The following ZNF787 variants were observed in gnomAD, a reference collection of about 807,000 sequenced individuals.
The protein encoded by ZNF787 is zinc finger protein 787.
ZNF787 carries 7 observed loss-of-function variants against 16.9 expected under a neutral mutation model. The observed-to-expected ratio is 0.42, with a 90% CI of 0.24 to 0.78. The LOEUF is 0.78. Among genes scored for constraint, ZNF787 ranks in the 30% least tolerant of loss-of-function variants. The pLI, the probability that ZNF787 is intolerant of heterozygous loss-of-function variation, is 0.30. For synonymous variants in ZNF787, 345 were observed against 270.9 expected (o/e 1.27, Z -2.69); for missense variants, 551 against 589.3 (o/e 0.94, Z 0.67).
intron 2 of ZNF787, among the ~76,000 whole-genome samples, chr19:56,090,421 C>T (rs550602206): frequency 2.6e-5 from 4 of 152,266 alleles, no homozygotes; most frequent in Admixed American, 1.3e-4. Flanking sequence ...GGCCGCCCAC[C>T]GCTAAATCCC....
At chr19:56,107,882 G>GGC (rs1220393890) in intron 1 of ZNF787, among the ~76,000 whole-genome samples, 1 of 148,222 alleles carries the variant, frequency 6.7e-6, no homozygotes, top group Non-Finnish European at 1.5e-5. Context: ...GCGGAAGAGA[G>GGC]AGCTTGAAGG....
chr19:56,096,569 C>T (rs1351899023), intron 2 of ZNF787, among the ~76,000 whole-genome samples: 10 of 148,618 alleles, frequency 6.7e-5, no homozygotes, highest in Non-Finnish European at 1.3e-4. Context: ...AAAAATTAGC[C>T]GGGCATGGTG....
At chr19:56,113,335 G>A (rs970581954) in intron 1 of ZNF787, among the ~76,000 whole-genome samples, 1 of 152,144 alleles carries the variant, frequency 6.6e-6, no homozygotes, top group East Asian at 1.9e-4. Flanking sequence ...GTTAAGCCCA[G>A]AACTCCCATA....
chr19:56,094,187 CTTTT>C (rs572443571), intron 2 of ZNF787, among the ~76,000 whole-genome samples: 21 of 105,462 alleles, frequency 2.0e-4, no homozygotes, highest in South Asian at 3.4e-4. Flanking sequence ...TCATGCCCGG[CTTTT>C]TTTTTTTTTT....
At chr19:56,108,544 C>T (rs1307240866) in intron 1 of ZNF787, among the ~76,000 whole-genome samples, 1 of 152,036 alleles carries the variant, frequency 6.6e-6, no homozygotes. Context: ...ACGCCTGCTA[C>T]TCTGCCACTC....
In ZNF787 at chr19:56,088,308, G is replaced by T; in HGVS notation, c.864C>A (p.Gly288=). ...KPYVCLECGK[G]FGHGAGLLAH... ...CCAGGAGCCCGGCCCCGTGCCCGAA[G>T]CCCTTCCCGCACTCCAGACACACGT... Residue 288 remains glycine, a synonymous_variant, in exon 3 of 3, where the codon GGC becomes GGA. Transcript: ENST00000610935. The surrounding 1 kb of genome is among the most constrained non-coding windows in gnomAD (Gnocchi z 8.6). The T allele has an allele frequency of 7.5e-7, 1 of 1,333,036 alleles. No individual in the cohort carries two copies. The highest frequency in any genetic ancestry group is 9.6e-7 in the Non-Finnish European group (1 of 1,044,990). The allele number at this position is 1,333,036 out of a possible 1,614,324, so 82.6% of individuals were successfully genotyped here. A position where few individuals can be genotyped will look rare whatever the true frequency, so the allele number is the denominator to read the frequency against.
At chr19:56,115,650 TC>T (rs747265309) in intron 1 of ZNF787, among the ~76,000 whole-genome samples, 2 of 151,926 alleles carry the variant, frequency 1.3e-5, no homozygotes, top group Non-Finnish European at 2.9e-5. Flanking sequence ...CCCGCATGCC[TC>T]CCACCCGCAC....
rs1381266833 is a variant in ZNF787, at chr19:56,098,522, A to AG, written c.79+4616dup. 2.2e-5 allele frequency among the ~76,000 whole-genome samples: 3 copies of AG among 136,832 alleles called. No individual in the cohort carries two copies. The East Asian group carries it at 6.4e-4, about 29-fold the overall frequency. 89.8% of individuals were successfully genotyped at this position (136,832 alleles called of 152,430 possible). On this transcript the variant is annotated intron_variant, in intron 2 of 2. Transcript: ENST00000610935. ...TACGGCCGCAGGGTGATACAGCCGC[A>AG]GGGTGATGCCACCAGGGTGATATGG...
At chr19:56,111,216 AG>A (rs2029970747) in intron 1 of ZNF787, among the ~76,000 whole-genome samples, 8 of 147,258 alleles carry the variant, frequency 5.4e-5, no homozygotes, top group Admixed American at 5.4e-4. Context: ...AGCCAGGCCA[AG>A]GAGGCACAGC....
At position 56,091,335 on chromosome 19, in the gene ZNF787, G is replaced by C. The variant is rs148511257; in HGVS notation, c.80-2243C>G. Among the ~76,000 whole-genome samples, 911 of 152,342 alleles carry C rather than the reference G, an allele frequency of 6.0e-3. 5 individuals carry two copies. The highest frequency in any genetic ancestry group is 0.02 in the African/African-American group (844 of 41,572). On this transcript the variant is annotated intron_variant, in intron 2 of 2. Transcript: ENST00000610935. ...GTGTAGCAATGCTCCCTGTGACTCAGCTATGAATAGCATTTATTCATGACG... is the reference window on the plus strand; with the variant it reads ...GTGTAGCAATGCTCCCTGTGACTCACCTATGAATAGCATTTATTCATGACG...
rs547821358 is a variant in ZNF787 at position 56,087,896 on chromosome 19, G to A, written c.*127C>T. ...GGACGGCGCAGGGACAGAGGAGGGCGGGGAGCCGGGGATGCCGCGGGGTCC... is the reference window on the plus strand; with the variant it reads ...GGACGGCGCAGGGACAGAGGAGGGCAGGGAGCCGGGGATGCCGCGGGGTCC... On this transcript the variant is annotated 3_prime_UTR_variant, in exon 3 of 3. Transcript: ENST00000610935. 6.6e-4 allele frequency: 840 copies of A among 1,265,152 alleles called. 1 individual carries two copies. The highest frequency in any genetic ancestry group is 4.3e-3 in the African/African-American group (264 of 61,872). 78.4% of individuals were successfully genotyped at this position (1,265,152 alleles called of 1,614,324 possible).
At chr19:56,099,937 G>A (rs185682838) in intron 2 of ZNF787, among the ~76,000 whole-genome samples, 246 of 152,224 alleles carry the variant, frequency 1.6e-3, no homozygotes, top group African/African-American at 5.6e-3. Flanking sequence ...GCACGGCGCC[G>A]GGATCTCGCC....
At chr19:56,119,316 T>C (rs1298749526) in intron 1 of ZNF787, among the ~76,000 whole-genome samples, 4 of 152,312 alleles carry the variant, frequency 2.6e-5, no homozygotes, top group African/African-American at 9.6e-5. Context: ...ATTGTGAACT[T>C]GCTCTCGTTT....
chr19:56,088,458 G>A lies in ZNF787; in HGVS notation c.714C>T (p.Gly238=), dbSNP rs1016730069. 5.3e-4 allele frequency: 691 copies of A among 1,302,038 alleles called. No homozygotes were observed. The highest frequency in any genetic ancestry group is 6.3e-4 in the Non-Finnish European group (646 of 1,025,836). The allele number at this position is 1,302,038 out of a possible 1,614,324, so 80.7% of individuals were successfully genotyped here. ...CCACCACGATGATGCCCTCGCCATC[G>A]CCCACGGGGATGGCGATCTCGCCGT... The part of the protein sequence containing the change: ...AADGEIAIPV[G]DGEGIIVVGA... The change falls in exon 3 of 3, where the codon GGC becomes GGT. Residue 238 remains glycine, a synonymous_variant. Coordinates refer to ENST00000610935, the MANE Select transcript of ZNF787 (RefSeq NM_001002836.4). This position sits in a 1 kb window ranked among gnomAD's most constrained non-coding sequence, Gnocchi z 8.6.
At chr19:56,093,200 A>G (rs1455279557) in intron 2 of ZNF787, among the ~76,000 whole-genome samples, 1 of 150,922 alleles carries the variant, frequency 6.6e-6, no homozygotes, top group Non-Finnish European at 1.5e-5. Flanking sequence ...GATATCCCAG[A>G]CACAGGGGTT....
chr19:56,102,045 A>C (rs1986119319), intron 2 of ZNF787: 2 of 152,238 alleles, frequency 1.3e-5, no homozygotes, highest in Non-Finnish European at 2.9e-5. Flanking sequence ...CCCCGCCCAC[A>C]GGGAGCTTCT....
At chr19:56,110,040 T>G (rs2029934044) in intron 1 of ZNF787, among the ~76,000 whole-genome samples, 1 of 152,036 alleles carries the variant, frequency 6.6e-6, no homozygotes, top group South Asian at 2.1e-4. Context: ...GTGAATATAT[T>G]AAAAACCAGT....
At chr19:56,114,319 TTCTC>T (rs2030067793) in intron 1 of ZNF787, among the ~76,000 whole-genome samples, 1 of 118,864 alleles carries the variant, frequency 8.4e-6, no homozygotes. Context: ...GGCCTGGTCT[TTCTC>T]TCTGAGGGGC....
intron 2 of ZNF787, among the ~76,000 whole-genome samples, chr19:56,094,100 T>C (rs1240085453): frequency 1.3e-5 from 2 of 151,958 alleles, no homozygotes; most frequent in Non-Finnish European, 2.9e-5. Flanking sequence ...CTCGGCTCAC[T>C]GCAACCTTCG....
Sources: gnomAD v4.1 joint callset for allele counts (sites outside exome capture counted in the v4.1 genomes callset) on GRCh38, gnomAD v4.1.1 for gene constraint, Gnocchi (gnomAD v3.1) non-coding constraint, MANE v1.5 for transcripts, NCBI Gene and HGNC (gene_info 2026-07-23, HGNC 2026-07-21) for gene names.